Variants in SGMS1 observed in about 807,000 individuals in gnomAD.
SGMS1 encodes sphingomyelin synthase 1, also known as phosphatidylcholine:ceramide cholinephosphotransferase 1.
A neutral mutation model predicts 46.2 loss-of-function variants in SGMS1; 13 were observed. The observed-to-expected ratio is 0.28, with a 90% CI of 0.18 to 0.45. SGMS1 has a LOEUF of 0.45. Among genes scored for constraint, SGMS1 ranks in the 20% least tolerant of loss-of-function variants. The pLI, the probability that SGMS1 is intolerant of heterozygous loss-of-function variation, is 1.00. For synonymous variants in SGMS1, 203 were observed against 187.8 expected (o/e 1.08, Z -0.66); for missense variants, 324 against 519.9 (o/e 0.62, Z 3.66).
At chr10:50,505,337 A>G (rs1837697636) in intron 3 of SGMS1, among the ~76,000 whole-genome samples, 1 of 152,224 alleles carries the variant, frequency 6.6e-6, no homozygotes, top group African/African-American at 2.4e-5. Context: ...AGAGGGGTAG[A>G]TTTTTATACC....
chr10:50,614,953 C>T lies in SGMS1; in HGVS notation c.-684+8754G>A, dbSNP rs191017943. Among the ~76,000 whole-genome samples the T allele has an allele frequency of 3.7e-3, 561 of 152,330 alleles. 2 individuals carry two copies. The highest frequency in any genetic ancestry group is 5.7e-3 in the Non-Finnish European group (389 of 68,028). On this transcript the variant is annotated intron_variant, in intron 1 of 10. Transcript: ENST00000361781. ...AAGGACTTAGAAAGTGGCTGGCATG[C>T]AGTTAGCCATCAACAAGTGTGAATC...
intron 3 of SGMS1, among the ~76,000 whole-genome samples, chr10:50,512,888 A>G (rs1206276997): frequency 3.9e-5 from 6 of 152,210 alleles, no homozygotes. Flanking sequence ...GACTATGGAA[A>G]GGAGATGGGG....
chr10:50,381,162 A>G (rs1848598088), intron 6 of SGMS1, among the ~76,000 whole-genome samples: 1 of 152,022 alleles, frequency 6.6e-6, no homozygotes, highest in African/African-American at 2.4e-5. Context: ...ACAAACAAAC[A>G]AACAAATACT....
chr10:50,507,304 T>C (rs1837715564), intron 3 of SGMS1, among the ~76,000 whole-genome samples: 1 of 152,154 alleles, frequency 6.6e-6, no homozygotes, highest in Non-Finnish European at 1.5e-5. Flanking sequence ...AAGGACTTTA[T>C]CTCTTCTTTC....
rs147838708 is a variant in SGMS1 at position 50,486,590 on chromosome 10, T to G, written c.-497-19658A>C. Among the ~76,000 whole-genome samples, 1,167 of 152,294 alleles carry G rather than the reference T, an allele frequency of 7.7e-3. 15 individuals are homozygous for G. Among genetic ancestry groups the G allele is most frequent in the South Asian group, 0.039 (187 of 4,832 alleles). The stretch of plus-strand genomic sequence containing the variant: ...TCAACATCACTGATCATTAGAGAGA[T>G]GCAAATCAAAACCACTAGATGCCAT... On this transcript the variant is annotated intron_variant, in intron 3 of 10. Coordinates refer to ENST00000361781, the MANE Select transcript of SGMS1 (RefSeq NM_147156.4).
intron 3 of SGMS1, among the ~76,000 whole-genome samples, chr10:50,512,394 G>A (rs922249582): frequency 2.0e-4 from 30 of 152,266 alleles, no homozygotes; most frequent in African/African-American, 7.0e-4. Context: ...TTTGCCAAGA[G>A]CAGGGCTATG....
At chr10:50,331,042 C>T (rs570282043) in intron 7 of SGMS1, among the ~76,000 whole-genome samples, 7 of 152,162 alleles carry the variant, frequency 4.6e-5, no homozygotes, top group Admixed American at 4.6e-4. Context: ...ACTGGAAAGG[C>T]CATGAAATAG....
chr10:50,409,426 C>T (rs1468270608), intron 6 of SGMS1, among the ~76,000 whole-genome samples: 3 of 152,194 alleles, frequency 2.0e-5, no homozygotes, highest in Non-Finnish European at 4.4e-5. Context: ...CCTGTCCATT[C>T]CATACTCTTT....
intron 5 of SGMS1, among the ~76,000 whole-genome samples, chr10:50,442,373 G>A (rs1849557309): frequency 6.6e-6 from 1 of 151,252 alleles, no homozygotes; most frequent in African/African-American, 2.4e-5. Context: ...AGTGTGTGTT[G>A]TTCACCTCTA....
intron 5 of SGMS1, among the ~76,000 whole-genome samples, chr10:50,438,957 A>T (rs893881772): frequency 1.3e-5 from 2 of 152,248 alleles, no homozygotes; most frequent in Non-Finnish European, 2.9e-5. Context: ...GCGAAACATG[A>T]CACGTTTAGA....
chr10:50,362,795 G>GCA (rs2133419777), intron 6 of SGMS1, among the ~76,000 whole-genome samples: 1 of 152,258 alleles, frequency 6.6e-6, no homozygotes, highest in East Asian at 1.9e-4. Context: ...GTAAAAACAA[G>GCA]ACATGATTTT....
intron 1 of SGMS1, among the ~76,000 whole-genome samples, chr10:50,599,417 T>C (rs1838627693): frequency 6.6e-6 from 1 of 152,106 alleles, no homozygotes; most frequent in Admixed American, 6.5e-5. Flanking sequence ...GCTGTAATTT[T>C]CAAAATTTAG....
intron 8 of SGMS1, among the ~76,000 whole-genome samples, chr10:50,315,875 T>C (rs993158856): frequency 6.6e-6 from 1 of 152,144 alleles, no homozygotes; most frequent in Non-Finnish European, 1.5e-5. Context: ...CAAATTCTAA[T>C]GAACTACCAA....
chr10:50,502,643 T>C (rs1045701368), intron 3 of SGMS1, among the ~76,000 whole-genome samples: 1 of 152,196 alleles, frequency 6.6e-6, no homozygotes, highest in African/African-American at 2.4e-5. Flanking sequence ...TACAAAATTT[T>C]GTCACAGGAA....
intron 8 of SGMS1, 125 bp from the exon 9 acceptor site, chr10:50,311,540 G>T: frequency 1.7e-6 from 1 of 585,450 alleles, no homozygotes; most frequent in African/African-American, 2.1e-5. Flanking sequence ...CCACCAGGAA[G>T]TTTGCCCACT....
chr10:50,317,078 A>C (rs1847351577), intron 8 of SGMS1, among the ~76,000 whole-genome samples: 1 of 152,214 alleles, frequency 6.6e-6, no homozygotes, highest in Admixed American at 6.5e-5. Flanking sequence ...GCTCTTAAAC[A>C]CTCAAATCAA....
At chr10:50,320,076 T>C (rs1172719233) in intron 8 of SGMS1, among the ~76,000 whole-genome samples, 1 of 152,230 alleles carries the variant, frequency 6.6e-6, no homozygotes, top group African/African-American at 2.4e-5. Context: ...TGAGGTTTTT[T>C]AGAATTCCCC....
chr10:50,413,058 TA>T (rs944308419), intron 6 of SGMS1, among the ~76,000 whole-genome samples: 1 of 152,194 alleles, frequency 6.6e-6, no homozygotes, highest in African/African-American at 2.4e-5. Flanking sequence ...TCTTACATTT[TA>T]AAAAGCATCA....
chr10:50,531,501 A>C (rs777109073), intron 2 of SGMS1, among the ~76,000 whole-genome samples: 1 of 152,132 alleles, frequency 6.6e-6, no homozygotes, highest in South Asian at 2.1e-4. Context: ...GGTACTCTGC[A>C]GGTCTGTTAG....
Sources: gnomAD v4.1 joint callset for allele counts (sites outside exome capture counted in the v4.1 genomes callset) on GRCh38, gnomAD v4.1.1 for gene constraint, MANE v1.5 for transcripts, NCBI Gene and HGNC (gene_info 2026-07-23, HGNC 2026-07-21) for gene names.